RAB2A: variants seen among roughly 807,000 people sequenced by gnomAD.
The protein encoded by RAB2A is RAB2A, member RAS oncogene family, also known as ras-related protein Rab-2A.
RAB2A carries 7 observed loss-of-function variants against 32.5 expected under a neutral mutation model. That is an observed-to-expected ratio of 0.22 (90% CI 0.12 to 0.40). The LOEUF (loss-of-function observed/expected upper bound fraction) is 0.40, where lower values mean the gene tolerates loss of function less well. Among genes scored for constraint, RAB2A ranks in the 10% least tolerant of loss-of-function variants. The pLI is 1.00. For missense variants in RAB2A, 108 were observed against 260.7 expected (o/e 0.41, Z 4.03); for synonymous variants, 79 against 85.2 (o/e 0.93, Z 0.40).
chr8:60,542,418 G>T (rs952451563), intron 1 of RAB2A, among the ~76,000 whole-genome samples: 3 of 152,154 alleles, frequency 2.0e-5, no homozygotes, highest in African/African-American at 7.2e-5. Flanking sequence ...GGGAGCTGAG[G>T]CAGGAGAATC....
At chr8:60,585,282 T>TTCTTG (rs1554556809) in intron 5 of RAB2A, among the ~76,000 whole-genome samples, 2 of 148,538 alleles carry the variant, frequency 1.3e-5, no homozygotes, top group Non-Finnish European at 3.0e-5. Context: ...GGCACCATTC[T>TTCTTG]TTTTGTTTTG....
chr8:60,558,222 G>T (rs1563469483), intron 1 of RAB2A, among the ~76,000 whole-genome samples: 1 of 152,162 alleles, frequency 6.6e-6, no homozygotes, highest in African/African-American at 2.4e-5. Context: ...AGTAAGAAGG[G>T]GGTATGGTAT....
chr8:60,602,338 G>T (rs183840580), intron 6 of RAB2A, among the ~76,000 whole-genome samples: 1 of 152,022 alleles, frequency 6.6e-6, no homozygotes, highest in African/African-American at 2.4e-5. Flanking sequence ...TAAATATTTC[G>T]ATATAAGTAA....
At chr8:60,600,345 T>C (rs943087049) in intron 6 of RAB2A, among the ~76,000 whole-genome samples, 8 of 152,028 alleles carry the variant, frequency 5.3e-5, no homozygotes, top group Non-Finnish European at 1.2e-4. Context: ...AAACACCCAA[T>C]GAGCTGTCAC....
chr8:60,560,223 G>A (rs1285697525), intron 2 of RAB2A, among the ~76,000 whole-genome samples: 1 of 152,128 alleles, frequency 6.6e-6, no homozygotes. Context: ...AGGTAGCTAG[G>A]ACTACAGGCG....
At chr8:60,607,314 A>T (rs547864631) in intron 6 of RAB2A, among the ~76,000 whole-genome samples, 2 of 148,794 alleles carry the variant, frequency 1.3e-5, no homozygotes, top group African/African-American at 5.0e-5. Context: ...CTGTAGTGCC[A>T]GTTACTCAGG....
In RAB2A at chr8:60,591,322, CCTCT is replaced by C. The variant is rs199647136; in HGVS notation, c.363-527_363-524del. ...TCTACTCCTTCTCCCTCCCTCCCTC[CCTCT>C]CTCTCTCTGTCTATATCAATTTTGC... On this transcript the variant is annotated intron_variant, in intron 5 of 7. Transcript: ENST00000262646. Among the ~76,000 whole-genome samples the C allele has an allele frequency of 3.1e-4, 47 of 150,878 alleles. No homozygotes were observed. In the East Asian group the frequency reaches 7.6e-3, roughly 24 times the overall value.
At chr8:60,596,054 C>A (rs879772397) in intron 6 of RAB2A, among the ~76,000 whole-genome samples, 3 of 152,066 alleles carry the variant, frequency 2.0e-5, no homozygotes, top group Non-Finnish European at 4.4e-5. Context: ...TGGAAAATAG[C>A]TAAAACAGTG....
At chr8:60,577,817 G>GTTTTTTTTTT (rs1563475782) in intron 3 of RAB2A, among the ~76,000 whole-genome samples, 3 of 135,616 alleles carry the variant, frequency 2.2e-5, no homozygotes, top group South Asian at 2.3e-4. Context: ...TTTTTTTTTG[G>GTTTTTTTTTT]ATTTTTAGTG....
At chr8:60,557,672 C>G (rs1307037207) in intron 1 of RAB2A, among the ~76,000 whole-genome samples, 2 of 152,004 alleles carry the variant, frequency 1.3e-5, no homozygotes, top group Non-Finnish European at 2.9e-5. Flanking sequence ...TTCAGACTAT[C>G]CTCCCACCTC....
chr8:60,567,921 TATA>T (rs1393228162), intron 2 of RAB2A, among the ~76,000 whole-genome samples: 2 of 152,176 alleles, frequency 1.3e-5, no homozygotes, highest in African/African-American at 4.8e-5. Flanking sequence ...TTGAAAATAT[TATA>T]ATATTTTTCT....
intron 6 of RAB2A, among the ~76,000 whole-genome samples, chr8:60,612,641 C>T (rs964926277): frequency 3.3e-5 from 5 of 152,172 alleles, no homozygotes; most frequent in Admixed American, 6.5e-5. Flanking sequence ...TCTAATCCTG[C>T]GTCTGCTGTA....
chr8:60,544,752 C>G lies in RAB2A; in HGVS notation c.47-14100C>G, dbSNP rs1242777443. Reference sequence around the variant, plus strand: ...GAGCTCAGTCTCCATAACTAACTTGCTTGAGGTCACAGGTTATGAAATTAT... The same window carrying G: ...GAGCTCAGTCTCCATAACTAACTTGGTTGAGGTCACAGGTTATGAAATTAT... On this transcript the variant is annotated intron_variant, in intron 1 of 7. Transcript: ENST00000262646. 2.6e-5 allele frequency among the ~76,000 whole-genome samples: 4 copies of G among 152,092 alleles called. No individual in the cohort carries two copies. The East Asian group carries it at 5.8e-4, about 22-fold the overall frequency.
At chr8:60,612,173 CTG>C (rs1804362344) in intron 6 of RAB2A, among the ~76,000 whole-genome samples, 1 of 152,176 alleles carries the variant, frequency 6.6e-6, no homozygotes, top group Non-Finnish European at 1.5e-5. Context: ...GTTCCCCTCC[CTG>C]TGTCCATGTG....
intron 5 of RAB2A, among the ~76,000 whole-genome samples, chr8:60,591,206 T>G (rs984766016): frequency 3.3e-5 from 5 of 150,786 alleles, no homozygotes; most frequent in Admixed American, 2.0e-4. Flanking sequence ...ACTAATAAAA[T>G]TCTAGTATGA....
chr8:60,588,279 T>C (rs1239662393), intron 5 of RAB2A, among the ~76,000 whole-genome samples: 2 of 151,930 alleles, frequency 1.3e-5, no homozygotes. Flanking sequence ...CAAGACCCTG[T>C]CTCAAAAAAA....
chr8:60,608,118 T>TGTTC (rs71245507), intron 6 of RAB2A, among the ~76,000 whole-genome samples: 1 of 151,968 alleles, frequency 6.6e-6, no homozygotes, highest in African/African-American at 2.4e-5. Context: ...TTTGTTTGTT[T>TGTTC]TGGTATTTAT....
At chr8:60,586,296 C>CAA (rs10591904) in intron 5 of RAB2A, among the ~76,000 whole-genome samples, 7 of 145,796 alleles carry the variant, frequency 4.8e-5, no homozygotes, top group Non-Finnish European at 7.6e-5. Context: ...GACCTTGTCT[C>CAA]AAAAAAAAAA....
intron 6 of RAB2A, among the ~76,000 whole-genome samples, chr8:60,600,338 C>T (rs1390280442): frequency 6.6e-6 from 1 of 152,062 alleles, no homozygotes; most frequent in Non-Finnish European, 1.5e-5. Flanking sequence ...GAAAGAAAAA[C>T]ACCCAATGAG....
Sources: allele counts gnomAD v4.1 joint callset (sites outside exome capture counted in the v4.1 genomes callset), GRCh38; gene constraint gnomAD v4.1.1; transcripts MANE v1.5; gene names NCBI Gene and HGNC (gene_info 2026-07-23, HGNC 2026-07-21).